Variants in KCNAB1 observed in about 807,000 individuals in gnomAD.
KCNAB1 encodes potassium voltage-gated channel subfamily A regulatory beta subunit 1.
Under a neutral mutation model 64.6 loss-of-function variants are expected in KCNAB1, and 35 were observed. The observed-to-expected ratio is 0.54, with a 90% CI of 0.41 to 0.72. The LOEUF (loss-of-function observed/expected upper bound fraction) is 0.72. Among genes scored for constraint, KCNAB1 ranks in the 30% least tolerant of loss-of-function variants. KCNAB1 has a pLI of 0.00. For missense variants in KCNAB1, 401 were observed against 512.9 expected, an observed-to-expected ratio of 0.78 and a Z score of 2.11; for synonymous variants, 177 against 183.8, an observed-to-expected ratio of 0.96 and a Z score of 0.30.
intron 1 of KCNAB1, among the ~76,000 whole-genome samples, chr3:156,324,746 A>G (rs1722864873): frequency 6.6e-6 from 1 of 151,982 alleles, no homozygotes; most frequent in African/African-American, 2.4e-5. Context: ...CATTCACTCA[A>G]CTGGCATTAG....
At chr3:156,317,833 G>A (rs903611616) in intron 1 of KCNAB1, among the ~76,000 whole-genome samples, 2 of 152,078 alleles carry the variant, frequency 1.3e-5, no homozygotes, top group African/African-American at 4.8e-5. Context: ...TGGATTTACT[G>A]GGAAGGAAAA....
At chr3:156,187,512 C>T (rs1285260951) in intron 1 of KCNAB1, among the ~76,000 whole-genome samples, 3 of 152,162 alleles carry the variant, frequency 2.0e-5, no homozygotes, top group Non-Finnish European at 4.4e-5. Context: ...CTCTCCATCC[C>T]TATTTTCTGG....
At chr3:156,150,440 T>C (rs1390980214) in intron 1 of KCNAB1, among the ~76,000 whole-genome samples, 3 of 152,160 alleles carry the variant, frequency 2.0e-5, no homozygotes, top group African/African-American at 7.2e-5. Flanking sequence ...GCTTTGTTTA[T>C]GCAGCATGAC....
At chr3:156,496,237 T>C (rs920070877) in intron 8 of KCNAB1, among the ~76,000 whole-genome samples, 16 of 152,208 alleles carry the variant, frequency 1.1e-4, no homozygotes, top group Non-Finnish European at 4.4e-5. Flanking sequence ...CTTATGGTGA[T>C]ACGGTTTGGC....
At chr3:156,338,536 TC>T (rs1350455307) in intron 1 of KCNAB1, among the ~76,000 whole-genome samples, 1 of 152,096 alleles carries the variant, frequency 6.6e-6, no homozygotes, top group Non-Finnish European at 1.5e-5. Context: ...GGTCTTGAAC[TC>T]CCGACCTCAG....
chr3:156,282,368 G>A (rs1576674504), intron 1 of KCNAB1, among the ~76,000 whole-genome samples: 2 of 140,842 alleles, frequency 1.4e-5, no homozygotes, highest in East Asian at 2.1e-4. Context: ...CATTTGCTGA[G>A]GAGAGCTTTA....
chr3:156,274,139 A>G (rs987557326), intron 1 of KCNAB1, among the ~76,000 whole-genome samples: 6 of 152,214 alleles, frequency 3.9e-5, no homozygotes, highest in Non-Finnish European at 8.8e-5. Flanking sequence ...ACAAATAGAA[A>G]ACAAAAGCAT....
chr3:156,180,391 TA>T (rs1712726263), intron 1 of KCNAB1, among the ~76,000 whole-genome samples: 1 of 152,222 alleles, frequency 6.6e-6, no homozygotes, highest in Non-Finnish European at 1.5e-5. Flanking sequence ...TGTTACCATG[TA>T]AAAAGGGAGT....
intron 2 of KCNAB1, among the ~76,000 whole-genome samples, chr3:156,433,156 T>C (rs1168592205): frequency 6.6e-6 from 1 of 152,208 alleles, no homozygotes; most frequent in African/African-American, 2.4e-5. Context: ...CACAGATGCC[T>C]GCCCTCACAG....
At position 156,184,033 on chromosome 3, in the gene KCNAB1, C is replaced by T. The variant is rs536671159; in HGVS notation, c.275+63147C>T. 2.6e-4 allele frequency among the ~76,000 whole-genome samples: 40 copies of T among 152,276 alleles called. 1 individual carries two copies. Among genetic ancestry groups the T allele is most frequent in the African/African-American group, 8.7e-4 (36 of 41,554 alleles). On this transcript the variant is annotated intron_variant, in intron 1 of 13. Transcript: ENST00000490337. Reference sequence around the variant, plus strand: ...GCTCTAAATAAGTTAGTATACATAACGACCATAGAGCAAATTGTGACGCTC... The same window carrying T: ...GCTCTAAATAAGTTAGTATACATAATGACCATAGAGCAAATTGTGACGCTC...
chr3:156,313,523 G>A (rs1202518692), intron 1 of KCNAB1, among the ~76,000 whole-genome samples: 1 of 152,232 alleles, frequency 6.6e-6, no homozygotes, highest in Non-Finnish European at 1.5e-5. Context: ...TGATGATGGA[G>A]CAGTGAGAGA....
intron 1 of KCNAB1, among the ~76,000 whole-genome samples, chr3:156,354,239 C>T (rs555556919): frequency 3.1e-4 from 46 of 150,082 alleles, no homozygotes; most frequent in Middle Eastern, 6.9e-3. Context: ...CTCGGCTCAC[C>T]GCAAACTCTG....
chr3:156,238,197 C>T (rs1236392834), intron 1 of KCNAB1, among the ~76,000 whole-genome samples: 2 of 151,990 alleles, frequency 1.3e-5, no homozygotes, highest in Non-Finnish European at 2.9e-5. Context: ...GCCGAGGCGG[C>T]GGATCACGAG....
In KCNAB1 at chr3:156,147,960, C is replaced by CACACACAT. The variant is rs200388168; in HGVS notation, c.275+27074_275+27075insACACACAT. 8.9e-3 allele frequency among the ~76,000 whole-genome samples: 1,007 copies of CACACACAT among 113,572 alleles called. 11 individuals are homozygous for CACACACAT. The highest frequency in any genetic ancestry group is 0.02 in the African/African-American group (477 of 23,428). 74.5% of individuals were successfully genotyped at this position (113,572 alleles called of 152,430 possible). A position where few individuals can be genotyped will look rare whatever the true frequency, so the allele number is the denominator to read the frequency against. On this transcript the variant is annotated intron_variant, in intron 1 of 13. Transcript: ENST00000490337. ...GCCAAGACACACACACACACACACACGCACGCACACGCACACACAAACACA... is the reference window on the plus strand; with the variant it reads ...GCCAAGACACACACACACACACACACACACACATGCACGCACACGCACACACAAACACA...
chr3:156,354,723 CAA>C (rs11320799), intron 1 of KCNAB1, among the ~76,000 whole-genome samples: 20,372 of 117,734 alleles, frequency 0.17, 1,519 homozygotes, highest in Middle Eastern at 0.25. Context: ...ATCTCCCCTC[CAA>C]AAAAAAAAAA....
chr3:156,457,333 G>A (rs1282597322), intron 3 of KCNAB1, 120 bp from the exon 4 acceptor site: 9 of 1,521,080 alleles, frequency 5.9e-6, no homozygotes, highest in Non-Finnish European at 7.0e-6. Flanking sequence ...CTAAAACTAA[G>A]AAAAATAAGG....
intron 1 of KCNAB1, among the ~76,000 whole-genome samples, chr3:156,281,835 G>A (rs1206643086): frequency 8.1e-5 from 12 of 148,886 alleles, no homozygotes; most frequent in East Asian, 2.0e-4. Flanking sequence ...TTTTTATTGC[G>A]TCTATTTGAT....
chr3:156,511,162 G>C (rs926481093), intron 8 of KCNAB1, among the ~76,000 whole-genome samples: 1 of 151,946 alleles, frequency 6.6e-6, no homozygotes, highest in Non-Finnish European at 1.5e-5. Context: ...GGAGTGCAGT[G>C]GCGTGATCTC....
intron 8 of KCNAB1, among the ~76,000 whole-genome samples, chr3:156,478,942 T>A (rs1237226950): frequency 2.6e-5 from 4 of 152,160 alleles, no homozygotes; most frequent in Middle Eastern, 3.2e-3. Flanking sequence ...GGTGAGAAAC[T>A]TCATTCGCAA....
Sources: allele counts gnomAD v4.1 joint callset (sites outside exome capture counted in the v4.1 genomes callset), GRCh38; gene constraint gnomAD v4.1.1; transcripts MANE v1.5; gene names NCBI Gene and HGNC (gene_info 2026-07-23, HGNC 2026-07-21).